Variants in NT5DC1 observed in about 807,000 individuals in gnomAD.
NT5DC1 encodes the protein 5'-nucleotidase domain containing 1.
In NT5DC1, 42 loss-of-function variants were observed where a neutral mutation model predicts 59.4. The observed-to-expected ratio is 0.71, with a 90% confidence interval of 0.55 to 0.92. The LOEUF is 0.92. Ranked by LOEUF, NT5DC1 falls within the 40% of genes least tolerant of loss-of-function variation. The pLI is 0.00. For missense variants in NT5DC1, 501 were observed against 537.1 expected, an observed-to-expected ratio of 0.93 and a Z score of 0.66; for synonymous variants, 172 against 188.1, an observed-to-expected ratio of 0.91 and a Z score of 0.70.
chr6:116,226,928 A>G (rs1781922506), intron 8 of NT5DC1, among the ~76,000 whole-genome samples: 1 of 152,140 alleles, frequency 6.6e-6, no homozygotes, highest in Admixed American at 6.5e-5. Flanking sequence ...AGAATGGCTA[A>G]ATGATACTAT....
At chr6:116,192,523 G>A (rs1035421225) in intron 6 of NT5DC1, among the ~76,000 whole-genome samples, 1 of 151,970 alleles carries the variant, frequency 6.6e-6, no homozygotes, top group African/African-American at 2.4e-5. Context: ...CTGTGTTTCT[G>A]TTAAGTAGGT....
At chr6:116,163,549 G>A (rs1257681169) in intron 6 of NT5DC1, among the ~76,000 whole-genome samples, 1 of 151,374 alleles carries the variant, frequency 6.6e-6, no homozygotes, top group Non-Finnish European at 1.5e-5. Context: ...ATCAATTTTT[G>A]TTTATCTTCT....
chr6:116,143,974 A>G (rs898230954), intron 6 of NT5DC1, among the ~76,000 whole-genome samples: 7 of 152,170 alleles, frequency 4.6e-5, no homozygotes, highest in Non-Finnish European at 7.3e-5. Context: ...AAACCTTTTT[A>G]TAACTTGAGA....
intron 6 of NT5DC1, among the ~76,000 whole-genome samples, chr6:116,176,495 A>G (rs761390416): frequency 1.3e-5 from 2 of 152,138 alleles, no homozygotes; most frequent in Non-Finnish European, 2.9e-5. Flanking sequence ...TACTGCCTTT[A>G]CTTGCAGCTG....
At chr6:116,118,471 A>G (rs116316774) in intron 6 of NT5DC1, among the ~76,000 whole-genome samples, 511 of 152,326 alleles carry the variant, frequency 3.4e-3, no homozygotes, top group African/African-American at 0.011. Flanking sequence ...ATGCCTTTAT[A>G]GTATGTTACC....
chr6:116,232,998 G>C (rs577122930), intron 8 of NT5DC1, among the ~76,000 whole-genome samples: 30 of 152,198 alleles, frequency 2.0e-4, no homozygotes, highest in African/African-American at 7.2e-4. Flanking sequence ...TAAAAGAAAA[G>C]ATTTGAGCTT....
chr6:116,119,901 C>T (rs113069215), intron 6 of NT5DC1: 5 of 647,286 alleles, frequency 7.7e-6, no homozygotes, highest in African/African-American at 5.5e-5. Context: ...TACGTTTTTA[C>T]GTTGCTGCTC....
rs1405901393 is a variant in NT5DC1 at position 116,115,675 on chromosome 6, T to G, written c.365-16T>G. The G allele has an allele frequency of 7.2e-7, 1 of 1,387,656 alleles. No individual in the cohort carries two copies. Among genetic ancestry groups the G allele is most frequent in the African/African-American group, 1.4e-5 (1 of 70,632 alleles). The allele number at this position is 1,387,656 out of a possible 1,614,324, so 86.0% of individuals were successfully genotyped here. A position where few individuals can be genotyped will look rare whatever the true frequency, so the allele number is the denominator to read the frequency against. Reference sequence around the variant, plus strand: ...GCATTATGTTGTTCCCAGTTTAAAATTTTGTTCTTTTTTAGGAAAGTATTA... The same window carrying G: ...GCATTATGTTGTTCCCAGTTTAAAAGTTTGTTCTTTTTTAGGAAAGTATTA... On this transcript the variant is annotated splice_polypyrimidine_tract_variant and intron_variant, in intron 4 of 11. Transcript: ENST00000319550.
At chr6:116,178,104 TGCGTGC>T (rs1187347100) in intron 6 of NT5DC1, among the ~76,000 whole-genome samples, 17 of 101,028 alleles carry the variant, frequency 1.7e-4, no homozygotes, top group African/African-American at 5.0e-4. Flanking sequence ...CGCGCGCGCG[TGCGTGC>T]GTGTGTGTGT....
At position 116,121,371 on chromosome 6, in the gene NT5DC1, G is replaced by A. The variant is rs1237475699; in HGVS notation, c.529+3426G>A. ...TCCCCAGGAGGGCCTTGGGGACCTG[G>A]TGGGCCAATTGGTCCCATTTCTCCC... On this transcript the variant is annotated intron_variant, in intron 6 of 11. Transcript: ENST00000319550. The A allele has an allele frequency of 6.2e-7, 1 of 1,614,098 alleles. No individual in the cohort carries two copies. The highest frequency in any genetic ancestry group is 1.1e-5 in the South Asian group (1 of 91,080).
intron 11 of NT5DC1, among the ~76,000 whole-genome samples, chr6:116,242,917 A>C (rs190952912): frequency 1.7e-4 from 26 of 152,168 alleles, no homozygotes; most frequent in Non-Finnish European, 3.2e-4. Context: ...TGCTGCTTGT[A>C]GTAGCCCTTA....
chr6:116,199,025 TATA>T (rs1274468370), intron 6 of NT5DC1, among the ~76,000 whole-genome samples: 2 of 152,080 alleles, frequency 1.3e-5, no homozygotes, highest in African/African-American at 2.4e-5. Flanking sequence ...CTGTGCATTA[TATA>T]ATGTTTAGCA....
rs77752802 is a variant in NT5DC1, at chr6:116,154,129, G to A, written c.529+36184G>A. 6.8e-4 allele frequency among the ~76,000 whole-genome samples: 102 copies of A among 149,610 alleles called. 2 individuals are homozygous for A. In the East Asian group the frequency reaches 0.019, roughly 28 times the overall value. On this transcript the variant is annotated intron_variant, in intron 6 of 11. Coordinates refer to ENST00000319550, the MANE Select transcript of NT5DC1 (RefSeq NM_152729.3). ...ATGGCTCTCAAATCAGCATTGATTT[G>A]TAGTGTACTTTTTCCCCCTCAGAAT...
At chr6:116,119,939 T>C in intron 6 of NT5DC1, 1 of 862,242 alleles carries the variant, frequency 1.2e-6, no homozygotes, top group Non-Finnish European at 1.9e-6. Context: ...TTTGTTGGTC[T>C]GATAGCTCAA....
intron 1 of NT5DC1, 128 bp downstream of exon 1, chr6:116,101,151 C>T: frequency 6.1e-6 from 4 of 654,814 alleles, no homozygotes; most frequent in Non-Finnish European, 1.0e-5. Context: ...TGCCGCAGAG[C>T]GCGGCCTCCA....
chr6:116,233,891 A>G (rs976087864), intron 8 of NT5DC1, among the ~76,000 whole-genome samples: 2 of 152,074 alleles, frequency 1.3e-5, no homozygotes, highest in Admixed American at 6.6e-5. Context: ...AAACTGTGGA[A>G]GCAAATTATC....
At chr6:116,141,992 C>T (rs1051964874) in intron 6 of NT5DC1, among the ~76,000 whole-genome samples, 2 of 151,172 alleles carry the variant, frequency 1.3e-5, no homozygotes, top group African/African-American at 2.4e-5. Context: ...AAAATTTTGA[C>T]AAAGTTACTT....
intron 1 of NT5DC1, among the ~76,000 whole-genome samples, chr6:116,103,781 A>T (rs1414100170): frequency 6.6e-6 from 1 of 152,160 alleles, no homozygotes; most frequent in Non-Finnish European, 1.5e-5. Flanking sequence ...AGAAGAGAGG[A>T]TGACACATGG....
chr6:116,103,671 G>A (rs976474746), intron 1 of NT5DC1, among the ~76,000 whole-genome samples: 6 of 152,216 alleles, frequency 3.9e-5, no homozygotes, highest in South Asian at 2.1e-4. Flanking sequence ...CTGTGAGTGC[G>A]TCTCCTTTCA....
Sources: gnomAD v4.1 joint callset for allele counts (sites outside exome capture counted in the v4.1 genomes callset) on GRCh38, gnomAD v4.1.1 for gene constraint, MANE v1.5 for transcripts, NCBI Gene and HGNC (gene_info 2026-07-23, HGNC 2026-07-21) for gene names.